ATXN1: variants seen among roughly 807,000 people sequenced by gnomAD.
The protein encoded by ATXN1 is ataxin 1, also known as ataxin-1.
Under a neutral mutation model 56.4 loss-of-function variants are expected in ATXN1, and 8 were observed. The ratio of observed to expected loss-of-function variants is 0.14; its 90% CI spans 0.08 to 0.26. The LOEUF is 0.26. Ranked by LOEUF, ATXN1 falls within the 10% of genes least tolerant of loss-of-function variation. The probability of loss-of-function intolerance (pLI) is 1.00; values close to 1 mark genes in which losing one functional copy is unlikely to be tolerated. For missense variants in ATXN1, 987 were observed against 1,106.5 expected, an observed-to-expected ratio of 0.89 and a Z score of 1.53; for synonymous variants, 514 against 494.6, an observed-to-expected ratio of 1.04 and a Z score of -0.52.
At chr6:16,372,666 C>T (rs879887172) in intron 6 of ATXN1, among the ~76,000 whole-genome samples, 5 of 152,146 alleles carry the variant, frequency 3.3e-5, no homozygotes, top group Admixed American at 2.6e-4. Context: ...GTAATCCAAG[C>T]TCTTTGGGAG....
chr6:16,524,443 A>G (rs2113698596), intron 4 of ATXN1, among the ~76,000 whole-genome samples: 1 of 152,332 alleles, frequency 6.6e-6, no homozygotes, highest in Non-Finnish European at 1.5e-5. Context: ...TCCTAACAAC[A>G]GACGAGACGT....
intron 6 of ATXN1, among the ~76,000 whole-genome samples, chr6:16,337,256 T>C (rs1409058712): frequency 1.3e-5 from 2 of 152,206 alleles, no homozygotes; most frequent in African/African-American, 2.4e-5. Flanking sequence ...CAGATGACAG[T>C]TCTGGGGGTG....
intron 4 of ATXN1, among the ~76,000 whole-genome samples, chr6:16,524,240 A>G (rs236936): frequency 0.74 from 111,832 of 152,134 alleles, 42,360 homozygotes; most frequent in African/African-American, 0.91. Flanking sequence ...AGTGTTTAAC[A>G]TGACACTTAC....
At chr6:16,710,731 G>A (rs1277598749) in intron 2 of ATXN1, among the ~76,000 whole-genome samples, 1 of 151,816 alleles carries the variant, frequency 6.6e-6, no homozygotes, top group African/African-American at 2.4e-5. Flanking sequence ...GGGACTACAG[G>A]CACATGCCAC....
At chr6:16,471,007 G>A (rs960931870) in intron 6 of ATXN1, among the ~76,000 whole-genome samples, 7 of 152,056 alleles carry the variant, frequency 4.6e-5, no homozygotes, top group African/African-American at 7.3e-5. Context: ...GGAAAGATTC[G>A]TCTGGAAAGG....
intron 2 of ATXN1, among the ~76,000 whole-genome samples, chr6:16,751,758 T>G (rs542823282): frequency 1.1e-4 from 16 of 152,362 alleles, no homozygotes; most frequent in African/African-American, 3.8e-4. Flanking sequence ...TTTCTAGTCA[T>G]GTATGGTTCA....
intron 6 of ATXN1, among the ~76,000 whole-genome samples, chr6:16,355,283 G>A (rs1761662095): frequency 6.6e-6 from 1 of 152,204 alleles, no homozygotes; most frequent in African/African-American, 2.4e-5. Context: ...AAAACCAGGG[G>A]CACCTAAAAC....
intron 6 of ATXN1, among the ~76,000 whole-genome samples, chr6:16,373,065 G>C (rs943677157): frequency 6.6e-6 from 1 of 152,232 alleles, no homozygotes; most frequent in Admixed American, 6.5e-5. Context: ...GGCCCAAGTG[G>C]AGGGACACAT....
chr6:16,708,669 T>C (rs1371508320), intron 2 of ATXN1, among the ~76,000 whole-genome samples: 2 of 151,946 alleles, frequency 1.3e-5, no homozygotes, highest in Non-Finnish European at 2.9e-5. Context: ...GATACATCAA[T>C]CTTAAAAGTG....
At chr6:16,599,704 C>T (rs560098353) in intron 3 of ATXN1, among the ~76,000 whole-genome samples, 22 of 141,198 alleles carry the variant, frequency 1.6e-4, no homozygotes, top group African/African-American at 2.1e-4. Flanking sequence ...AGTGAAACTC[C>T]GTCTCAAAAA....
chr6:16,319,595 T>C (rs901278734), intron 7 of ATXN1, among the ~76,000 whole-genome samples: 14 of 152,228 alleles, frequency 9.2e-5, no homozygotes, highest in African/African-American at 3.1e-4. Context: ...CTATGGACTT[T>C]AGTTAAAAAT....
chr6:16,604,998 A>G (rs777448577), intron 3 of ATXN1, among the ~76,000 whole-genome samples: 1 of 152,254 alleles, frequency 6.6e-6, no homozygotes, highest in Non-Finnish European at 1.5e-5. Context: ...TATGGTGCAT[A>G]TCATAACAAG....
chr6:16,378,606 C>T (rs1170943241), intron 6 of ATXN1, among the ~76,000 whole-genome samples: 1 of 151,986 alleles, frequency 6.6e-6, no homozygotes, highest in Admixed American at 6.6e-5. Flanking sequence ...GTCACCGAGG[C>T]TGGAGTGCAG....
At position 16,365,290 on chromosome 6, in the gene ATXN1, C is replaced by T. The variant is rs141653644; in HGVS notation, c.-160-36820G>A. On this transcript the variant is annotated intron_variant, in intron 6 of 7. Transcript: ENST00000436367. The stretch of plus-strand genomic sequence containing the variant: ...CTCCCAAGTTCAAGTGATTCTTCTG[C>T]CTCAGCCTCCTGAGTAGCTGGGACT... Among the ~76,000 whole-genome samples, 45 of 152,284 alleles carry T rather than the reference C, an allele frequency of 3.0e-4. No individual in the cohort carries two copies. The East Asian group carries it at 8.7e-3, about 29-fold the overall frequency.
intron 6 of ATXN1, among the ~76,000 whole-genome samples, chr6:16,347,945 G>A (rs1473891401): frequency 1.3e-5 from 2 of 152,198 alleles, no homozygotes; most frequent in Admixed American, 1.3e-4. Context: ...GCCTGTATGA[G>A]CTATAACACT....
intron 6 of ATXN1, among the ~76,000 whole-genome samples, chr6:16,351,819 C>T (rs763229832): frequency 2.0e-5 from 3 of 152,178 alleles, no homozygotes; most frequent in Non-Finnish European, 4.4e-5. Context: ...GATTTCAGAA[C>T]GTAGGCTACA....
intron 2 of ATXN1, among the ~76,000 whole-genome samples, chr6:16,690,411 C>T (rs1268662862): frequency 6.6e-6 from 1 of 151,614 alleles, no homozygotes; most frequent in Non-Finnish European, 1.5e-5. Context: ...ATTCCTATTA[C>T]CAGAGGGATT....
rs1473256245 is a variant in ATXN1, at chr6:16,304,345, A to C, written c.*1984T>G. 2 of 152,696 alleles carry C rather than the reference A, an allele frequency of 1.3e-5. No individual in the cohort carries two copies. Among genetic ancestry groups the C allele is most frequent in the East Asian group, 3.9e-4 (2 of 5,188 alleles). The allele number at this position is 152,696 out of a possible 1,614,324, so 9.5% of individuals were successfully genotyped here. A position where few individuals can be genotyped will look rare whatever the true frequency, so the allele number is the denominator to read the frequency against. On this transcript the variant is annotated 3_prime_UTR_variant, in exon 8 of 8. Transcript: ENST00000436367. ...AAGATGCATTCAAAACCCACAAATG[A>C]TATTTCGGATCTCTGGGAATGAAAG...
At chr6:16,482,463 T>C (rs1179378358) in intron 6 of ATXN1, among the ~76,000 whole-genome samples, 1 of 152,190 alleles carries the variant, frequency 6.6e-6, no homozygotes, top group Non-Finnish European at 1.5e-5. Context: ...ATGGGGTGGA[T>C]GCTATTTTAT....
Sources: gnomAD v4.1 joint callset for allele counts (sites outside exome capture counted in the v4.1 genomes callset) on GRCh38, gnomAD v4.1.1 for gene constraint, MANE v1.5 for transcripts, NCBI Gene and HGNC (gene_info 2026-07-23, HGNC 2026-07-21) for gene names.